Variants in ZKSCAN8 observed in about 807,000 individuals in gnomAD.
The protein encoded by ZKSCAN8 is zinc finger protein with KRAB and SCAN domains 8.
A neutral mutation model predicts 57.2 loss-of-function variants in ZKSCAN8; 27 were observed. That is an observed-to-expected ratio of 0.47 (90% confidence interval 0.35 to 0.65). The LOEUF is 0.65. ZKSCAN8 is among the 30% of genes least tolerant of loss of function. ZKSCAN8 has a pLI of 0.01. For synonymous variants in ZKSCAN8, 214 were observed against 248.7 expected (o/e 0.86, Z 1.31); for missense variants, 597 against 696.3 (o/e 0.86, Z 1.60).
rs750311646 is a variant in ZKSCAN8 at position 28,159,436 on chromosome 6, C to T, written c.*5419C>T. 2.0e-5 allele frequency: 3 copies of T among 152,122 alleles called. No homozygotes were observed. Among genetic ancestry groups the T allele is most frequent in the Non-Finnish European group, 4.4e-5 (3 of 68,024 alleles). 9.4% of individuals were successfully genotyped at this position (152,122 alleles called of 1,614,324 possible). A position where few individuals can be genotyped will look rare whatever the true frequency, so the allele number is the denominator to read the frequency against. On this transcript the variant is annotated 3_prime_UTR_variant, in exon 6 of 6. Transcript: ENST00000330236. The stretch of plus-strand genomic sequence containing the variant: ...AGTATAGTGCTGAGCACATAGTAGG[C>T]GTTTAATAAATGCTTGTTGAAGTAT...
Position 28,150,087 on chromosome 6 carries a change from A to T in ZKSCAN8, c.559+463A>T, listed in dbSNP as rs565210305. ...TAAATTTATCACAATTAAGAAATGT[A>T]GTATTGCTACAATACTAACCTAGGC... On this transcript the variant is annotated intron_variant, in intron 3 of 5. Transcript: ENST00000330236. Among the ~76,000 whole-genome samples the T allele has an allele frequency of 2.0e-5, 3 of 152,338 alleles. No individual in the cohort carries two copies. The South Asian group carries it at 6.2e-4, about 32-fold the overall frequency.
chr6:28,151,768 A>T (rs772192964), intron 3 of ZKSCAN8, 77 bp from the exon 4 acceptor site: 161 of 1,188,414 alleles, frequency 1.4e-4, no homozygotes, highest in Non-Finnish European at 2.0e-4. Context: ...AATAAAAATA[A>T]TTTGGAATGG....
rs145136963 is a variant in ZKSCAN8, at chr6:28,148,296, A to G, written c.-92-20A>G. 2.6e-4 allele frequency: 301 copies of G among 1,172,076 alleles called. 3 individuals carry two copies. In the East Asian group the frequency reaches 7.3e-3, roughly 29 times the overall value. The allele number at this position is 1,172,076 out of a possible 1,614,324, so 72.6% of individuals were successfully genotyped here. On this transcript the variant is annotated intron_variant, in intron 1 of 5. Coordinates refer to ENST00000330236, the MANE Select transcript of ZKSCAN8 (RefSeq NM_006298.4). ...ATGACTTTTGACTTGCCTTAACACT[A>G]TCATATTTTCTTCATGAAGAAGTAC...
At chr6:28,143,783 A>T (rs1304178397) in intron 1 of ZKSCAN8, among the ~76,000 whole-genome samples, 2 of 152,250 alleles carry the variant, frequency 1.3e-5, no homozygotes, top group African/African-American at 4.8e-5. Flanking sequence ...AACCATAAGT[A>T]GCTATTTTAA....
chr6:28,148,913 C>T, intron 2 of ZKSCAN8, 89 bp downstream of exon 2: 1 of 1,415,634 alleles, frequency 7.1e-7, no homozygotes, highest in Non-Finnish European at 9.5e-7. Context: ...AGAGCAGATG[C>T]TTAGCATCAG....
Position 28,155,662 on chromosome 6 carries a change from C to T in ZKSCAN8, c.*1645C>T. ...CTGATGAAAGCTTCATAATTTCACC[C>T]TGTGACTATCCTGAAAAGAAATAAT... On this transcript the variant is annotated 3_prime_UTR_variant, in exon 6 of 6. Coordinates refer to ENST00000330236, the MANE Select transcript of ZKSCAN8 (RefSeq NM_006298.4). The T allele has an allele frequency of 6.6e-6, 1 of 152,424 alleles. No homozygotes were observed. The allele number at this position is 152,424 out of a possible 1,614,324, so 9.4% of individuals were successfully genotyped here. A position where few individuals can be genotyped will look rare whatever the true frequency, so the allele number is the denominator to read the frequency against.
rs2113602262 is a variant in ZKSCAN8, at chr6:28,155,376, C to A, written c.*1359C>A. The A allele has an allele frequency of 6.6e-6, 1 of 152,270 alleles. No individual in the cohort carries two copies. Among genetic ancestry groups the A allele is most frequent in the East Asian group, 1.9e-4 (1 of 5,172 alleles). The allele number at this position is 152,270 out of a possible 1,614,324, so 9.4% of individuals were successfully genotyped here. On this transcript the variant is annotated 3_prime_UTR_variant, in exon 6 of 6. Coordinates refer to ENST00000330236, the MANE Select transcript of ZKSCAN8 (RefSeq NM_006298.4). ...AGTAACATGCCAGAACTTACGCATC[C>A]AATGTGGGTTGTCACTTGTTATTCC...
chr6:28,150,924 A>G (rs1765570971), intron 3 of ZKSCAN8, among the ~76,000 whole-genome samples: 1 of 152,090 alleles, frequency 6.6e-6, no homozygotes, highest in Admixed American at 6.5e-5. Context: ...CTTAATCCTC[A>G]GCTTCCCCAG....
rs1431479939 is a variant in ZKSCAN8 at position 28,156,150 on chromosome 6, TATGTGTATGTACAC to T, written c.*2149_*2162del. The T allele has an allele frequency of 4.0e-5, 16 of 398,244 alleles. No individual in the cohort carries two copies. The highest frequency in any genetic ancestry group is 1.8e-4 in the Admixed American group (4 of 22,728). 24.7% of individuals were successfully genotyped at this position (398,244 alleles called of 1,614,324 possible). A position where few individuals can be genotyped will look rare whatever the true frequency, so the allele number is the denominator to read the frequency against. ...TGGGTGCATTGTCAGAGGGAAAATATATGTGTATGTACACATGTGTATGTACACACACACACACA... is the reference window on the plus strand; with the variant it reads ...TGGGTGCATTGTCAGAGGGAAAATATATGTGTATGTACACACACACACACA... On this transcript the variant is annotated 3_prime_UTR_variant, in exon 6 of 6. Coordinates refer to ENST00000330236, the MANE Select transcript of ZKSCAN8 (RefSeq NM_006298.4).
intron 1 of ZKSCAN8, chr6:28,142,328 A>G (rs1055590142): frequency 6.6e-6 from 1 of 151,918 alleles, no homozygotes. Flanking sequence ...GTTATTTTTT[A>G]TCCAACTATT....
chr6:28,149,941 T>G (rs1319925532), intron 3 of ZKSCAN8, among the ~76,000 whole-genome samples: 1 of 152,156 alleles, frequency 6.6e-6, no homozygotes, highest in Non-Finnish European at 1.5e-5. Flanking sequence ...GTTACCACAG[T>G]ACATTTACAA....
rs956997650 is a variant in ZKSCAN8, at chr6:28,158,177, C to T, written c.*4160C>T. 6.6e-6 allele frequency: 1 copy of T among 151,884 alleles called. No homozygotes were observed. The highest frequency in any genetic ancestry group is 2.1e-4 in the South Asian group (1 of 4,802). 9.4% of individuals were successfully genotyped at this position (151,884 alleles called of 1,614,324 possible). Reference sequence around the variant, plus strand: ...TATTTTATATTGTTGAATTCTCCCTCCTTTGGCTTGTGGGATCCTTTTTCT... The same window carrying T: ...TATTTTATATTGTTGAATTCTCCCTTCTTTGGCTTGTGGGATCCTTTTTCT... On this transcript the variant is annotated 3_prime_UTR_variant, in exon 6 of 6. Coordinates refer to ENST00000330236, the MANE Select transcript of ZKSCAN8 (RefSeq NM_006298.4).
Position 28,154,355 on chromosome 6 carries a change from C to T in ZKSCAN8, c.*338C>T. 5.1e-6 allele frequency: 1 copy of T among 197,982 alleles called. No homozygotes were observed. Among genetic ancestry groups the T allele is most frequent in the Non-Finnish European group, 1.0e-5 (1 of 97,358 alleles). 12.3% of individuals were successfully genotyped at this position (197,982 alleles called of 1,614,324 possible). A position where few individuals can be genotyped will look rare whatever the true frequency, so the allele number is the denominator to read the frequency against. Reference sequence around the variant, plus strand: ...TAGCTATAGGTTTGAGAGAGGCTGGCTACTCCTAGTTCCTGTGCTTCTTCC... The same window carrying T: ...TAGCTATAGGTTTGAGAGAGGCTGGTTACTCCTAGTTCCTGTGCTTCTTCC... On this transcript the variant is annotated 3_prime_UTR_variant, in exon 6 of 6. Transcript: ENST00000330236.
rs549763480 is a variant in ZKSCAN8 at position 28,158,021 on chromosome 6, A to G, written c.*4004A>G. 1 of 152,104 alleles carries G rather than the reference A, an allele frequency of 6.6e-6. No homozygotes were observed. The highest frequency in any genetic ancestry group is 2.4e-5 in the African/African-American group (1 of 41,492). The allele number at this position is 152,104 out of a possible 1,614,324, so 9.4% of individuals were successfully genotyped here. ...GATTTTTCAACCCCCCTTTTTCATT[A>G]ATCTGTTCTTAAAACTTCTTTTTAC... On this transcript the variant is annotated 3_prime_UTR_variant, in exon 6 of 6. Transcript: ENST00000330236.
In ZKSCAN8 at chr6:28,155,297, T is replaced by C. The variant is rs1765747935; in HGVS notation, c.*1280T>C. On this transcript the variant is annotated 3_prime_UTR_variant, in exon 6 of 6. Coordinates refer to ENST00000330236, the MANE Select transcript of ZKSCAN8 (RefSeq NM_006298.4). ...TATCACCAGGCACTATATTTCATCT[T>C]TGAGGCTTTTGTTATACCAAGGAAT... 1 of 152,340 alleles carries C rather than the reference T, an allele frequency of 6.6e-6. No homozygotes were observed. The highest frequency in any genetic ancestry group is 2.4e-5 in the African/African-American group (1 of 41,584). 9.4% of individuals were successfully genotyped at this position (152,340 alleles called of 1,614,324 possible). A position where few individuals can be genotyped will look rare whatever the true frequency, so the allele number is the denominator to read the frequency against.
chr6:28,151,165 C>T (rs1264025526), intron 3 of ZKSCAN8, among the ~76,000 whole-genome samples: 1 of 152,166 alleles, frequency 6.6e-6, no homozygotes, highest in Non-Finnish European at 1.5e-5. Context: ...TTCAGTCTGG[C>T]TCTTGTATCC....
chr6:28,148,712 T>C lies in ZKSCAN8; in HGVS notation c.305T>C (p.Ile102Thr), dbSNP rs956929559. The change falls in exon 2 of 6, where the codon ATC (isoleucine) becomes ACC (threonine). Residue 102 changes from isoleucine to threonine, a missense_variant. Ile to Thr is a moderately conservative substitution (Grantham distance 89). Coordinates refer to ENST00000330236, the MANE Select transcript of ZKSCAN8 (RefSeq NM_006298.4). The part of the protein sequence containing the change: ...ELLVLEQFLT[I>T]LPEELQTLVK... ...CTGGTGCTGGAGCAGTTCTTGACCA[T>C]CCTACCTGAGGAGCTCCAGACACTG... The C allele has an allele frequency of 2.5e-6, 4 of 1,614,096 alleles. No individual in the cohort carries two copies. Among genetic ancestry groups the C allele is most frequent in the Non-Finnish European group, 3.4e-6 (4 of 1,180,004 alleles).
At chr6:28,143,563 G>C (rs942284951) in intron 1 of ZKSCAN8, among the ~76,000 whole-genome samples, 4 of 152,102 alleles carry the variant, frequency 2.6e-5, no homozygotes, top group African/African-American at 9.7e-5. Flanking sequence ...GCAACATAGT[G>C]AGACCCTGTC....
chr6:28,148,169 TAAG>T, intron 1 of ZKSCAN8, 144 bp from the exon 2 acceptor site: 3 of 411,892 alleles, frequency 7.3e-6, no homozygotes, highest in Admixed American at 3.8e-5. Context: ...GTTAAGGAAG[TAAG>T]AAGTTATTTC....
Sources: allele counts gnomAD v4.1 joint callset (sites outside exome capture counted in the v4.1 genomes callset), GRCh38; gene constraint gnomAD v4.1.1; transcripts MANE v1.5; gene names NCBI Gene and HGNC (gene_info 2026-07-23, HGNC 2026-07-21).